Variants in MGAM observed in about 807,000 individuals in gnomAD.
MGAM encodes the protein alpha-1,4-glucosidase.
In MGAM, 253 loss-of-function variants were observed where a neutral mutation model predicts 358.8. The observed-to-expected ratio is 0.71, with a 90% confidence interval of 0.64 to 0.78. The LOEUF is 0.78. Ranked by LOEUF, MGAM falls within the 30% of genes least tolerant of loss-of-function variation. The pLI is 0.00. For missense variants in MGAM, 3,080 were observed against 3,432.6 expected, an observed-to-expected ratio of 0.90 and a Z score of 2.57; for synonymous variants, 1,105 against 1,227.1, an observed-to-expected ratio of 0.90 and a Z score of 2.08.
intron 53 of MGAM, 75 bp from the exon 54 acceptor site, chr7:142,084,444 A>G (rs773572262): frequency 1.4e-6 from 2 of 1,450,666 alleles, no homozygotes; most frequent in Admixed American, 1.8e-5. Flanking sequence ...ACAGAAAAAT[A>G]TTCTTATTAC....
At chr7:142,009,289 G>A (rs576078519) in intron 3 of MGAM, among the ~76,000 whole-genome samples, 3 of 152,216 alleles carry the variant, frequency 2.0e-5, no homozygotes, top group African/African-American at 4.8e-5. Context: ...CTAGATTATC[G>A]GCTGAAGTCC....
intron 1 of MGAM, among the ~76,000 whole-genome samples, chr7:142,005,236 A>T (rs1432525489): frequency 6.6e-6 from 1 of 152,074 alleles, no homozygotes; most frequent in African/African-American, 2.4e-5. Flanking sequence ...AGGTATGATA[A>T]TATTTTGCCT....
intron 16 of MGAM, among the ~76,000 whole-genome samples, chr7:142,035,807 A>G (rs1300889908): frequency 1.3e-5 from 2 of 152,200 alleles, no homozygotes; most frequent in Non-Finnish European, 2.9e-5. Context: ...CTTTAGAAAA[A>G]TAATGCTGAT....
At position 142,021,051 on chromosome 7, in the gene MGAM, G is replaced by C. The variant is rs782136193; in HGVS notation, c.526G>C (p.Glu176Gln). The change falls in exon 5 of 71, where the codon GAA becomes CAA. Residue 176 changes from glutamate (E) to glutamine (Q), a missense_variant. This residue lies in a region of MGAM where 1,816 missense variants were observed against 1,840.5 expected (regional missense o/e 0.99). Coordinates refer to ENST00000475668, the MANE Select transcript of MGAM (RefSeq NM_001365693.1). The part of the protein sequence containing the change: ...SNVDNVLLTA[E>Q]YQTSNRFHFK... ...TGTTGACAATGTTCTTCTCACAGCA[G>C]AATATCAGACATCTAATCGTTTCCA... 2 of 1,612,394 alleles carry C rather than the reference G, an allele frequency of 1.2e-6. No homozygotes were observed. Among genetic ancestry groups the C allele is most frequent in the Non-Finnish European group, 1.7e-6 (2 of 1,179,130 alleles).
In MGAM at chr7:142,027,424, G is replaced by T. The variant is rs184504237; in HGVS notation, c.1096-186G>T. 2.0e-4 allele frequency among the ~76,000 whole-genome samples: 31 copies of T among 152,228 alleles called. No homozygotes were observed. In the East Asian group the frequency reaches 2.9e-3, roughly 14 times the overall value. On this transcript the variant is annotated intron_variant, in intron 9 of 70. Coordinates refer to ENST00000475668, the MANE Select transcript of MGAM (RefSeq NM_001365693.1). The stretch of plus-strand genomic sequence containing the variant: ...TATAAGAAGGTGAGAGAATATAAAG[G>T]TGCCCCAAACATGGCCCTACCCTCA...
At chr7:142,088,816 ATGTACCATCTATCTAT>A (rs1563214453) in intron 57 of MGAM, among the ~76,000 whole-genome samples, 2 of 102,854 alleles carry the variant, frequency 1.9e-5, no homozygotes, top group African/African-American at 6.4e-5. Flanking sequence ...TATCCTATCT[ATGTACCATCTATCTAT>A]CTATCTATCT....
chr7:142,040,449 A>T, intron 20 of MGAM: 1 of 582,684 alleles, frequency 1.7e-6, no homozygotes, highest in Non-Finnish European at 3.0e-6. Flanking sequence ...GGACAATGTG[A>T]GCTTGGTCAG....
rs765929602 is a variant in MGAM at position 142,092,604 on chromosome 7, G to A, written c.7029G>A (p.Met2343Ile). ...CCTCTCTGAACCACCCTCCCTACAT[G>A]CCGTGTAAGAATCCTTGGCCTTCTT... ...RDASLNHPPYMPYLESRDRGL... is the reference protein window; with the variant it reads ...RDASLNHPPYIPYLESRDRGL... The change falls in exon 59 of 71, where the codon ATG becomes ATA. Residue 2343 changes from methionine (M) to isoleucine (I), a missense_variant. Physicochemically the swap from Met to Ile is conservative, Grantham distance 10 (BLOSUM62 1). Transcript: ENST00000475668. 1.3e-6 allele frequency: 2 copies of A among 1,536,466 alleles called. No homozygotes were observed. The highest frequency in any genetic ancestry group is 3.6e-5 in the Admixed American group (2 of 56,214).
rs183040679 is a variant in MGAM at position 142,001,764 on chromosome 7, C to T, written c.-2-3765C>T. Among the ~76,000 whole-genome samples the T allele has an allele frequency of 8.5e-5, 13 of 152,272 alleles. No individual in the cohort carries two copies. In the East Asian group the frequency reaches 2.5e-3, roughly 29 times the overall value. ...CAGCTGCTCCACCAGAACACCAAGTCGGGTGTGGTGACACACTCAGGGAAA... is the reference window on the plus strand; with the variant it reads ...CAGCTGCTCCACCAGAACACCAAGTTGGGTGTGGTGACACACTCAGGGAAA... On this transcript the variant is annotated intron_variant, in intron 1 of 70. Transcript: ENST00000475668.
intron 33 of MGAM, 125 bp from the exon 34 acceptor site, chr7:142,060,186 C>T: frequency 7.1e-7 from 1 of 1,398,856 alleles, no homozygotes. Context: ...TCTTTTATGT[C>T]AATCCTATGT....
chr7:142,103,353 G>T lies in MGAM; in HGVS notation c.8098G>T (p.Val2700Leu), dbSNP rs753708990. 6 of 1,613,120 alleles carry T rather than the reference G, an allele frequency of 3.7e-6. No individual in the cohort carries two copies. The highest frequency in any genetic ancestry group is 5.1e-6 in the Non-Finnish European group (6 of 1,179,450). The change falls in exon 70 of 71, where the codon GTG (valine) becomes TTG (leucine). Residue 2700 changes from valine to leucine, a missense_variant. This residue lies in a region of MGAM where 194 missense variants were observed against 172.8 expected (regional missense o/e 1.12). Transcript: ENST00000475668. ...ACTGGGCTACATTGAAATCTGGGGA[G>T]TGGGCAGTGTCCCCGTTACCAGTGT... ...LKLGYIEIWG[V>L]GSVPVTSVSI...
At position 142,105,964 on chromosome 7, in the gene MGAM, TTG is replaced by T; in HGVS notation, c.*79_*80del. ...TTATACTTCATACTCATAAAAATTA[TTG>T]TGTGTTGCTAATTTGTTCATACCCA... On this transcript the variant is annotated 3_prime_UTR_variant, in exon 71 of 71. Coordinates refer to ENST00000475668, the MANE Select transcript of MGAM (RefSeq NM_001365693.1). 2 of 1,193,536 alleles carry T rather than the reference TTG, an allele frequency of 1.7e-6. No homozygotes were observed. Among genetic ancestry groups the T allele is most frequent in the South Asian group, 1.3e-5 (1 of 79,456 alleles). 73.9% of individuals were successfully genotyped at this position (1,193,536 alleles called of 1,614,324 possible). A position where few individuals can be genotyped will look rare whatever the true frequency, so the allele number is the denominator to read the frequency against.
At chr7:141,993,246 C>G (rs1804022934), upstream of MGAM, among the ~76,000 whole-genome samples, 1 of 152,172 alleles carries the variant, frequency 6.6e-6, no homozygotes, top group Admixed American at 6.5e-5. Context: ...CTAGAAATAG[C>G]AGTAGCTGAG....
intron 2 of MGAM, among the ~76,000 whole-genome samples, chr7:142,006,106 AGAT>A (rs1216614047): frequency 1.3e-5 from 2 of 152,126 alleles, no homozygotes; most frequent in Non-Finnish European, 2.9e-5. Flanking sequence ...CTTTTGTAAA[AGAT>A]GATACCAGCC....
chr7:142,079,905 C>T (rs1814096217), intron 49 of MGAM, among the ~76,000 whole-genome samples: 1 of 146,390 alleles, frequency 6.8e-6, no homozygotes, highest in African/African-American at 2.4e-5. Flanking sequence ...ATGTTGTAGG[C>T]ACCTAATGGG....
At chr7:142,095,815 C>A in intron 64 of MGAM, 102 bp downstream of exon 64, 1 of 1,520,594 alleles carries the variant, frequency 6.6e-7, no homozygotes, top group Non-Finnish European at 8.9e-7. Context: ...TGCCTTTTGA[C>A]ATGAGCTCTT....
At chr7:142,103,061 A>C (rs1816573067) in intron 69 of MGAM, among the ~76,000 whole-genome samples, 1 of 152,198 alleles carries the variant, frequency 6.6e-6, no homozygotes, top group South Asian at 2.1e-4. Flanking sequence ...GCAGTGCGAA[A>C]GACCCTGTAG....
At position 142,050,245 on chromosome 7, in the gene MGAM, C is replaced by G; in HGVS notation, c.2598C>G (p.Ala866=). The stretch of plus-strand genomic sequence containing the variant: ...TTCTCTCACTTTCAGATACTGTGGC[C>G]AATAAAGTGTATCTTTTATGTGAGT... The part of the protein sequence containing the change: ...WDNGETKDTV[A]NKVYLLCEFS... Residue 866 remains alanine, a synonymous_variant, in exon 23 of 71, where the codon GCC becomes GCG. Coordinates refer to ENST00000475668, the MANE Select transcript of MGAM (RefSeq NM_001365693.1). The G allele has an allele frequency of 6.2e-7, 1 of 1,613,666 alleles. No individual in the cohort carries two copies. Among genetic ancestry groups the G allele is most frequent in the South Asian group, 1.1e-5 (1 of 91,078 alleles).
At position 142,042,055 on chromosome 7, in the gene MGAM, A is replaced by G. The variant is rs987256233; in HGVS notation, c.2498+1209A>G. Among the ~76,000 whole-genome samples, 21 of 74,956 alleles carry G rather than the reference A, an allele frequency of 2.8e-4. 1 individual carries two copies. The East Asian group carries it at 3.6e-3, about 13-fold the overall frequency. 49.2% of individuals were successfully genotyped at this position (74,956 alleles called of 152,430 possible). The stretch of plus-strand genomic sequence containing the variant: ...ATTATATACATATAATATATAATAT[A>G]TATACATATAATATATAACATACAA... On this transcript the variant is annotated intron_variant, in intron 21 of 70. Coordinates refer to ENST00000475668, the MANE Select transcript of MGAM (RefSeq NM_001365693.1).
Sources: allele counts gnomAD v4.1 joint callset (sites outside exome capture counted in the v4.1 genomes callset), GRCh38; gene constraint gnomAD v4.1.1; regional missense constraint gnomAD v4.1.1; transcripts MANE v1.5; gene names NCBI Gene and HGNC (gene_info 2026-07-23, HGNC 2026-07-21).